ZFHX3: variants seen among roughly 807,000 people sequenced by gnomAD.
ZFHX3 encodes the protein zinc finger homeobox 3.
In ZFHX3, 42 loss-of-function variants were observed where a neutral mutation model predicts 279.1. The observed-to-expected ratio is 0.15, with a 90% CI of 0.12 to 0.19. The LOEUF (loss-of-function observed/expected upper bound fraction) is 0.19, where lower values mean the gene tolerates loss of function less well. Ranked by LOEUF, ZFHX3 falls within the 10% of genes least tolerant of loss-of-function variation. ZFHX3 has a pLI of 1.00. For missense variants in ZFHX3, 4,981 were observed against 4,754.0 expected (o/e 1.05, Z -1.40); for synonymous variants, 2,293 against 1,957.8 (o/e 1.17, Z -4.52).
At chr16:73,449,842 T>C (rs2143556373) in intron 3 of ZFHX3, among the ~76,000 whole-genome samples, 1 of 152,220 alleles carries the variant, frequency 6.6e-6, no homozygotes, top group South Asian at 2.1e-4. Context: ...TCTCCATTTT[T>C]TTTCTCTTAA....
intron 3 of ZFHX3, among the ~76,000 whole-genome samples, chr16:73,386,595 A>G (rs950158506): frequency 2.0e-5 from 3 of 152,136 alleles, no homozygotes. Flanking sequence ...TTAACCCAAC[A>G]TTAGGAACTG....
chr16:73,890,891 C>T (rs1389880035), intron 1 of ZFHX3, among the ~76,000 whole-genome samples: 1 of 152,110 alleles, frequency 6.6e-6, no homozygotes, highest in Admixed American at 6.5e-5. Context: ...TCACCATCAT[C>T]ACAATAAAGA....
intron 2 of ZFHX3, among the ~76,000 whole-genome samples, chr16:73,635,351 G>T (rs1179224426): frequency 6.6e-6 from 1 of 152,104 alleles, no homozygotes; most frequent in African/African-American, 2.4e-5. Flanking sequence ...TATTTAGTGG[G>T]TTATTAACTA....
At chr16:73,638,756 G>A (rs992654774) in intron 2 of ZFHX3, among the ~76,000 whole-genome samples, 1 of 152,162 alleles carries the variant, frequency 6.6e-6, no homozygotes, top group Non-Finnish European at 1.5e-5. Context: ...ACAAAGCACA[G>A]TGCCACAAAT....
intron 1 of ZFHX3, among the ~76,000 whole-genome samples, chr16:73,820,799 G>A (rs1012662537): frequency 6.6e-6 from 1 of 151,678 alleles, no homozygotes; most frequent in African/African-American, 2.4e-5. Context: ...AAAGACAAAT[G>A]TGTTCTACTA....
chr16:73,044,890 G>A (rs541476912), intron 1 of ZFHX3, among the ~76,000 whole-genome samples: 2 of 152,190 alleles, frequency 1.3e-5, no homozygotes, highest in Admixed American at 1.3e-4. Flanking sequence ...CAAAGTGCTG[G>A]GATTACAGGC....
intron 2 of ZFHX3, among the ~76,000 whole-genome samples, chr16:73,645,141 A>T (rs1465991391): frequency 4.6e-5 from 7 of 152,268 alleles, no homozygotes; most frequent in Admixed American, 3.9e-4. Context: ...AAGCTGGTGA[A>T]CAGAAAGGCT....
intron 1 of ZFHX3, among the ~76,000 whole-genome samples, chr16:73,041,534 T>C (rs1225267278): frequency 3.3e-5 from 5 of 152,132 alleles, no homozygotes. Context: ...CACATTCATA[T>C]AGTCAGTTAC....
chr16:73,539,721 C>T (rs1041208069), intron 2 of ZFHX3, among the ~76,000 whole-genome samples: 1 of 152,192 alleles, frequency 6.6e-6, no homozygotes, highest in African/African-American at 2.4e-5. Context: ...ACCGCCTGCC[C>T]GTGTAGGTCC....
chr16:73,223,668 C>T (rs1409618970), intron 5 of ZFHX3, among the ~76,000 whole-genome samples: 1 of 152,194 alleles, frequency 6.6e-6, no homozygotes, highest in African/African-American at 2.4e-5. Flanking sequence ...ATTAAACATA[C>T]TCTTCCACAT....
chr16:73,374,885 A>C (rs8054563), intron 3 of ZFHX3, among the ~76,000 whole-genome samples: 35,196 of 152,114 alleles, frequency 0.23, 6,096 homozygotes, highest in African/African-American at 0.49. Flanking sequence ...ATGGCTTGAC[A>C]GGGTTAACTT....
intron 3 of ZFHX3, among the ~76,000 whole-genome samples, chr16:73,416,573 A>C (rs1366722929): frequency 2.0e-5 from 3 of 152,128 alleles, no homozygotes; most frequent in Non-Finnish European, 4.4e-5. Context: ...TCAATTTAGC[A>C]GACGAAAGTT....
At chr16:73,755,059 T>A (rs937753733) in intron 1 of ZFHX3, among the ~76,000 whole-genome samples, 7 of 152,184 alleles carry the variant, frequency 4.6e-5, no homozygotes, top group Admixed American at 2.6e-4. Flanking sequence ...ACAACATAAT[T>A]GAAGTTCAGG....
chr16:73,140,122 C>G (rs1193702895), intron 6 of ZFHX3, among the ~76,000 whole-genome samples: 2 of 151,934 alleles, frequency 1.3e-5, no homozygotes, highest in African/African-American at 4.8e-5. Context: ...TGAAAATTAG[C>G]TGGGCATGGT....
intron 1 of ZFHX3, among the ~76,000 whole-genome samples, chr16:73,031,159 G>A (rs1964682395): frequency 6.6e-6 from 1 of 152,208 alleles, no homozygotes; most frequent in African/African-American, 2.4e-5. Context: ...TTGGTCTCAA[G>A]AAGCGTAAAG....
Position 73,741,773 on chromosome 16 carries a change from T to G in ZFHX3, c.-1607-61533A>C, listed in dbSNP as rs150657298. Reference sequence around the variant, plus strand: ...CTGCTTCACAATTACACAAACAACATAAATTGGAAACTAGGAGGGAGAGGA... The same window carrying G: ...CTGCTTCACAATTACACAAACAACAGAAATTGGAAACTAGGAGGGAGAGGA... On this transcript the variant is annotated intron_variant, in intron 1 of 17. Coordinates refer to the ZFHX3 transcript ENST00000641206. Among the ~76,000 whole-genome samples, 727 of 152,136 alleles carry G rather than the reference T, an allele frequency of 4.8e-3. 6 individuals carry two copies. Among genetic ancestry groups the G allele is most frequent in the African/African-American group, 0.016 (683 of 41,502 alleles).
chr16:73,361,360 C>T (rs1180935397), intron 3 of ZFHX3, among the ~76,000 whole-genome samples: 11 of 152,236 alleles, frequency 7.2e-5, no homozygotes, highest in Non-Finnish European at 2.9e-5. Flanking sequence ...CACCATCCTG[C>T]AAAGATGCTT....
intron 2 of ZFHX3, among the ~76,000 whole-genome samples, chr16:72,952,124 T>A (rs1416027409): frequency 6.6e-6 from 1 of 152,128 alleles, no homozygotes; most frequent in Non-Finnish European, 1.5e-5. Context: ...TGCCTGTAGT[T>A]CCAGTACTCA....
intron 2 of ZFHX3, among the ~76,000 whole-genome samples, chr16:73,653,051 T>G (rs2052686370): frequency 6.6e-6 from 1 of 152,070 alleles, no homozygotes; most frequent in Non-Finnish European, 1.5e-5. Flanking sequence ...AACGTGAACA[T>G]ATCAACCAGA....
Sources: allele counts gnomAD v4.1 joint callset (sites outside exome capture counted in the v4.1 genomes callset), GRCh38; gene constraint gnomAD v4.1.1; transcripts MANE v1.5; gene names NCBI Gene and HGNC (gene_info 2026-07-23, HGNC 2026-07-21).